Variants in IQCN observed in about 807,000 individuals in gnomAD.
IQCN encodes IQ domain-containing protein N.
Under a neutral mutation model 64.4 loss-of-function variants are expected in IQCN, and 46 were observed. That is an observed-to-expected ratio of 0.71 (90% confidence interval 0.56 to 0.91). The LOEUF is 0.91. IQCN is among the 40% of genes least tolerant of loss of function. IQCN has a pLI of 0.00. For missense variants in IQCN, 1,753 were observed against 1,857.4 expected, an observed-to-expected ratio of 0.94 and a Z score of 1.03; for synonymous variants, 733 against 775.6, an observed-to-expected ratio of 0.95 and a Z score of 0.91.
Position 18,264,307 on chromosome 19 carries a change from C to T in IQCN, c.3177+56G>A. ...TCAATCCCCCATCTCCTCCAAGGGC[C>T]CGGCAGGTTGGCCCATGGTGAAACA... On this transcript the variant is annotated intron_variant, in intron 3 of 3. Transcript: ENST00000392413. This position sits in a 1 kb window ranked among gnomAD's most constrained non-coding sequence, Gnocchi z 4.3. The T allele has an allele frequency of 7.2e-7, 1 of 1,393,668 alleles. No homozygotes were observed. The highest frequency in any genetic ancestry group is 9.4e-7 in the Non-Finnish European group (1 of 1,059,224). 86.3% of individuals were successfully genotyped at this position (1,393,668 alleles called of 1,614,324 possible).
chr19:18,257,603 G>C lies in IQCN; in HGVS notation c.3681C>G (p.His1227Gln). Residue 1227 changes from histidine to glutamine, a missense_variant, in exon 4 of 4, where the codon CAC becomes CAG. Transcript: ENST00000392413. Reference sequence around the variant, plus strand: ...TCAGGGAGTGGCAGACGCTGCAAGCGTGTGCCTGGCAGGACTGGAAGCAGC... The same window carrying C: ...TCAGGGAGTGGCAGACGCTGCAAGCCTGTGCCTGGCAGGACTGGAAGCAGC... ...DHRCFQSCQA[H>Q]ACSVCHSLSS... 1 of 1,612,806 alleles carries C rather than the reference G, an allele frequency of 6.2e-7. No homozygotes were observed. Among genetic ancestry groups the C allele is most frequent in the Non-Finnish European group, 8.5e-7 (1 of 1,179,922 alleles).
Position 18,267,313 on chromosome 19 carries a change from G to C in IQCN, c.227C>G (p.Ser76Cys). The C allele has an allele frequency of 6.2e-7, 1 of 1,614,236 alleles. No homozygotes were observed. Among genetic ancestry groups the C allele is most frequent in the Non-Finnish European group, 8.5e-7 (1 of 1,180,040 alleles). ...PQQPAEGKTA[S>C]RRVPRLRAVV... ...AGCCCGGAGGCGTGGGACGCGGCGG[G>C]ACGCCGTCTTGCCTTCGGCAGGCTG... is the stretch of plus-strand genomic sequence containing the variant. Residue 76 changes from serine (S) to cysteine (C), a missense_variant, in exon 3 of 4, where the codon TCC (serine) becomes TGC (cysteine). Coordinates refer to ENST00000392413, the MANE Select transcript of IQCN (RefSeq NM_001145304.2).
rs1198952069 is a variant in IQCN, at chr19:18,264,323, T to C, written c.3177+40A>G. 3.5e-6 allele frequency: 5 copies of C among 1,433,314 alleles called. No homozygotes were observed. Among genetic ancestry groups the C allele is most frequent in the Middle Eastern group, 2.1e-4 (1 of 4,744 alleles). 88.8% of individuals were successfully genotyped at this position (1,433,314 alleles called of 1,614,324 possible). A position where few individuals can be genotyped will look rare whatever the true frequency, so the allele number is the denominator to read the frequency against. On this transcript the variant is annotated intron_variant, in intron 3 of 3. Coordinates refer to ENST00000392413, the MANE Select transcript of IQCN (RefSeq NM_001145304.2). The surrounding 1 kb of genome is among the most constrained non-coding windows in gnomAD (Gnocchi z 4.3). Reference sequence around the variant, plus strand: ...TCCAAGGGCCCGGCAGGTTGGCCCATGGTGAAACAACCCCAGATCCCAACC... The same window carrying C: ...TCCAAGGGCCCGGCAGGTTGGCCCACGGTGAAACAACCCCAGATCCCAACC...
chr19:18,273,616 G>A (rs749082606), intron 1 of IQCN, among the ~76,000 whole-genome samples: 1 of 152,230 alleles, frequency 6.6e-6, no homozygotes, highest in Non-Finnish European at 1.5e-5. Context: ...ACAGGCGTGA[G>A]CCACCTTGCC....
Position 18,269,468 on chromosome 19 carries a change from T to G in IQCN, c.11A>C (p.Gln4Pro). 6.2e-7 allele frequency: 1 copy of G among 1,614,014 alleles called. No individual in the cohort carries two copies. Among genetic ancestry groups the G allele is most frequent in the Non-Finnish European group, 8.5e-7 (1 of 1,179,978 alleles). Residue 4 changes from glutamine (Q) to proline (P), a missense_variant and splice_region_variant, in exon 2 of 4, where the codon CAA becomes CCA. Gln to Pro is a moderately conservative substitution (Grantham distance 76). Transcript: ENST00000392413. ...TTGCCCATAGACCATCTTCTTACCTTGAAGGGTCATAGATTTGGAGGAGTA... is the reference window on the plus strand; with the variant it reads ...TTGCCCATAGACCATCTTCTTACCTGGAAGGGTCATAGATTTGGAGGAGTA... MTL[Q>P]GRADLSGNQG...
chr19:18,267,181 C>A lies in IQCN; in HGVS notation c.359G>T (p.Arg120Leu). The change falls in exon 3 of 4, where the codon CGG (arginine) becomes CTG (leucine). Residue 120 changes from arginine (R) to leucine (L), a missense_variant. Coordinates refer to ENST00000392413, the MANE Select transcript of IQCN (RefSeq NM_001145304.2). ...IQANWRGYWLRQKLISQMMAA... is the reference protein window; with the variant it reads ...IQANWRGYWLLQKLISQMMAA... ...CATCATCTGGGAAATCAGCTTCTGC[C>A]GGAGCCAATAGCCCCTCCAGTTGGC... is the stretch of plus-strand genomic sequence containing the variant. 1 of 1,614,260 alleles carries A rather than the reference C, an allele frequency of 6.2e-7. No homozygotes were observed. The highest frequency in any genetic ancestry group is 8.5e-7 in the Non-Finnish European group (1 of 1,180,054).
At chr19:18,269,630 T>A in intron 1 of IQCN, 43 bp from the exon 2 acceptor site, 2 of 502,190 alleles carry the variant, frequency 4.0e-6, no homozygotes, top group Non-Finnish European at 3.3e-6. Flanking sequence ...AAAGCAAAAA[T>A]GCTAAATTCT....
chr19:18,264,862 T>A lies in IQCN; in HGVS notation c.2678A>T (p.Asp893Val), dbSNP rs780206205. 1 of 1,607,708 alleles carries A rather than the reference T, an allele frequency of 6.2e-7. No homozygotes were observed. The highest frequency in any genetic ancestry group is 8.5e-7 in the Non-Finnish European group (1 of 1,177,538). The change falls in exon 3 of 4, where the codon GAT (aspartate) becomes GTT (valine). Residue 893 changes from aspartate to valine, a missense_variant. Asp to Val is a radical substitution (Grantham distance 152, BLOSUM62 -3). Transcript: ENST00000392413. This position sits in a 1 kb window ranked among gnomAD's most constrained non-coding sequence, Gnocchi z 4.3. ...GGCTTTGGCCAACAGAGTGCGGAGA[T>A]CCTCCTGGGATGCCAGCACACCAGC... ...EVAGVLASQE[D>V]LRTLLAKALS...
intron 3 of IQCN, chr19:18,258,706 T>G (rs939774979): frequency 3.0e-6 from 1 of 328,010 alleles, no homozygotes; most frequent in African/African-American, 2.2e-5. Flanking sequence ...GCCTCAGTAC[T>G]GCCACGGGCC....
chr19:18,257,339 C>T lies in IQCN; in HGVS notation c.3945G>A (p.Lys1315=), dbSNP rs1312489565. 1.2e-6 allele frequency: 2 copies of T among 1,613,102 alleles called. No individual in the cohort carries two copies. Among genetic ancestry groups the T allele is most frequent in the Non-Finnish European group, 1.7e-6 (2 of 1,179,848 alleles). Residue 1315 remains lysine, a synonymous_variant, in exon 4 of 4, where the codon AAG becomes AAA. Coordinates refer to ENST00000392413, the MANE Select transcript of IQCN (RefSeq NM_001145304.2). ...TAIQSAWRGF[K]IRQQMRQQQM... is the part of the protein sequence containing the mutation. ...GCTGCTGCCTCATCTGCTGGCGGAT[C>T]TTAAAGCCCCTCCAGGCGGACTGGA...
Position 18,257,383 on chromosome 19 carries a change from C to T in IQCN, c.3901G>A (p.Asp1301Asn), listed in dbSNP as rs753673342. 3.1e-6 allele frequency: 5 copies of T among 1,611,382 alleles called. No homozygotes were observed. In the African/African-American group the frequency reaches 6.7e-5, roughly 22 times the overall value. ...GACTGGATGGCTGTGGCCGCTTTGT[C>T]CTGGCGATGCGGCTGCCTGGGACTC... ...ALSPRQPHRQ[D>N]KAATAIQSAW... Residue 1301 changes from aspartate (D) to asparagine (N), a missense_variant, in exon 4 of 4, where the codon GAC becomes AAC. Coordinates refer to ENST00000392413, the MANE Select transcript of IQCN (RefSeq NM_001145304.2).
rs113018104 is a variant in IQCN at position 18,271,515 on chromosome 19, G to A, written c.-109-1928C>T. Reference sequence around the variant, plus strand: ...AAGGAAACTCTATGTGGTACTTTAGGGCTGAGGGAGTATCCCCAAAAAAGG... The same window carrying A: ...AAGGAAACTCTATGTGGTACTTTAGAGCTGAGGGAGTATCCCCAAAAAAGG... On this transcript the variant is annotated intron_variant, in intron 1 of 3. Coordinates refer to ENST00000392413, the MANE Select transcript of IQCN (RefSeq NM_001145304.2). Among the ~76,000 whole-genome samples, 161 of 152,058 alleles carry A rather than the reference G, an allele frequency of 1.1e-3. 1 individual carries two copies. The highest frequency in any genetic ancestry group is 3.6e-3 in the African/African-American group (150 of 41,512).
Position 18,267,127 on chromosome 19 carries a change from C to A in IQCN, c.413G>T (p.Arg138Leu). The change falls in exon 3 of 4, where the codon CGG (arginine) becomes CTG (leucine). Residue 138 changes from arginine to leucine, a missense_variant. By Grantham distance (102) the Arg-to-Leu change is moderately radical (BLOSUM62 -2). Coordinates refer to ENST00000392413, the MANE Select transcript of IQCN (RefSeq NM_001145304.2). ...AAGGATGTGTCTCTTGTTGAAGCGCCGCCAGGCCTCCTGGATGGCCTTGGC... is the reference window on the plus strand; with the variant it reads ...AAGGATGTGTCTCTTGTTGAAGCGCAGCCAGGCCTCCTGGATGGCCTTGGC... ...MAAKAIQEAW[R>L]RFNKRHILHS... The A allele has an allele frequency of 6.2e-7, 1 of 1,614,248 alleles. No individual in the cohort carries two copies. Among genetic ancestry groups the A allele is most frequent in the Middle Eastern group, 1.6e-4 (1 of 6,062 alleles).
rs534773924 is a variant in IQCN at position 18,265,286 on chromosome 19, T to C, written c.2254A>G (p.Ile752Val). 4 of 1,614,090 alleles carry C rather than the reference T, an allele frequency of 2.5e-6. No individual in the cohort carries two copies. Among genetic ancestry groups the C allele is most frequent in the East Asian group, 2.2e-5 (1 of 44,874 alleles). Residue 752 changes from isoleucine (I) to valine (V), a missense_variant, in exon 3 of 4, where the codon ATA becomes GTA. By Grantham distance (29) the Ile-to-Val change is conservative. Transcript: ENST00000392413. This position sits in a 1 kb window ranked among gnomAD's most constrained non-coding sequence, Gnocchi z 4.7. ...TQSRGQPITDITTCLIPAHQA... is the reference protein window; with the variant it reads ...TQSRGQPITDVTTCLIPAHQA... ...TGCGCTGGGATGAGGCACGTGGTTA[T>C]GTCTGTGATCGGCTGCCCCCGGGAC...
At chr19:18,260,104 C>T (rs149049280) in intron 3 of IQCN, 52 of 152,650 alleles carry the variant, frequency 3.4e-4, no homozygotes, top group African/African-American at 1.2e-3. Flanking sequence ...CAACAGGCCT[C>T]CTCATCAGCA....
intron 1 of IQCN, 85 bp from the exon 2 acceptor site, chr19:18,269,672 T>TA (rs71886739): frequency 0.026 from 9,732 of 381,456 alleles, 5 homozygotes; most frequent in East Asian, 0.034. Flanking sequence ...AGCTAAATTC[T>TA]AAAAAAAAAA....
At chr19:18,272,831 C>T (rs560434461) in intron 1 of IQCN, among the ~76,000 whole-genome samples, 1 of 150,972 alleles carries the variant, frequency 6.6e-6, no homozygotes, top group Non-Finnish European at 1.5e-5. Context: ...AGGATGGTCT[C>T]CATCTCCTGA....
chr19:18,268,561 C>T (rs940851855), intron 2 of IQCN, among the ~76,000 whole-genome samples: 1 of 152,086 alleles, frequency 6.6e-6, no homozygotes, highest in African/African-American at 2.4e-5. Context: ...GGCACGGTGG[C>T]TCATGTCTGT....
intron 1 of IQCN, among the ~76,000 whole-genome samples, chr19:18,271,449 G>T (rs1969733207): frequency 6.9e-6 from 1 of 145,210 alleles, no homozygotes; most frequent in South Asian, 2.2e-4. Context: ...CAGCCTGGGT[G>T]ACTGAGCGAA....
Sources: gnomAD v4.1 joint callset for allele counts (sites outside exome capture counted in the v4.1 genomes callset) on GRCh38, gnomAD v4.1.1 for gene constraint, Gnocchi (gnomAD v3.1) non-coding constraint, MANE v1.5 for transcripts, NCBI Gene and HGNC (gene_info 2026-07-23, HGNC 2026-07-21) for gene names.